Variants in MICAL2 observed in about 807,000 individuals in gnomAD.
MICAL2 encodes microtubule associated monooxygenase, calponin and LIM domain containing 2, also known as [F-actin]-monooxygenase MICAL2.
A neutral mutation model predicts 127.3 loss-of-function variants in MICAL2; 77 were observed. That is an observed-to-expected ratio of 0.60 (90% CI 0.50 to 0.73). The LOEUF is 0.73. MICAL2 is among the 30% of genes least tolerant of loss of function. The pLI, the probability that MICAL2 is intolerant of heterozygous loss-of-function variation, is 0.00. For synonymous variants in MICAL2, 570 were observed against 551.1 expected (o/e 1.03, Z -0.48); for missense variants, 1,351 against 1,434.4 (o/e 0.94, Z 0.94).
intron 32 of MICAL2, among the ~76,000 whole-genome samples, chr11:12,337,612 C>T (rs1441654750): frequency 6.6e-6 from 1 of 152,052 alleles, no homozygotes; most frequent in East Asian, 1.9e-4. Flanking sequence ...TTTCCCTCTA[C>T]ACACTGCTTT....
chr11:12,358,210 C>G, intron 34 of MICAL2: 1 of 1,334,240 alleles, frequency 7.5e-7, no homozygotes, highest in Non-Finnish European at 1.0e-6. Context: ...CAGAACAAGT[C>G]CATAACAATC....
At chr11:12,340,932 A>G (rs537399933) in intron 32 of MICAL2, among the ~76,000 whole-genome samples, 1 of 152,330 alleles carries the variant, frequency 6.6e-6, no homozygotes, top group South Asian at 2.1e-4. Context: ...TGACTCCCAG[A>G]ACAGAATTGT....
rs56280931 is a variant in MICAL2 at position 12,116,351 on chromosome 11, ATTTTT to A, written c.-149+5647_-149+5651del. Reference sequence around the variant, plus strand: ...TTCTAATGTTAGGCTCTTGATTTTGATTTTTTTTTTTTTTTTTTTTTTTTTTAACT... The same window carrying A: ...TTCTAATGTTAGGCTCTTGATTTTGATTTTTTTTTTTTTTTTTTTTTAACT... On this transcript the variant is annotated intron_variant, in intron 1 of 27. Coordinates refer to ENST00000683283, the MANE Select transcript of MICAL2 (RefSeq NM_001282663.2). Among the ~76,000 whole-genome samples the A allele has an allele frequency of 5.2e-4, 56 of 107,740 alleles. No homozygotes were observed. The East Asian group carries it at 0.011, about 22-fold the overall frequency. 70.7% of individuals were successfully genotyped at this position (107,740 alleles called of 152,430 possible).
chr11:12,305,617 G>A (rs1864100346), intron 29 of MICAL2, among the ~76,000 whole-genome samples: 1 of 152,142 alleles, frequency 6.6e-6, no homozygotes, highest in African/African-American at 2.4e-5. Flanking sequence ...AAAGTTGTGT[G>A]CCTGTGACCT....
At chr11:12,330,898 A>AGTGTGTGTGTGTGT (rs757142831) in intron 32 of MICAL2, among the ~76,000 whole-genome samples, 6 of 121,138 alleles carry the variant, frequency 5.0e-5, no homozygotes, top group Admixed American at 8.7e-5. Flanking sequence ...AGAGAGAGAG[A>AGTGTGTGTGTGTGT]GAGTGTGTGT....
intron 13 of MICAL2, 81 bp downstream of exon 13, chr11:12,224,901 G>A: frequency 6.8e-7 from 1 of 1,479,432 alleles, no homozygotes; most frequent in Non-Finnish European, 9.2e-7. Context: ...TCATTACTTG[G>A]TTCAATATTT....
At chr11:12,345,774 T>A (rs1015293646) in intron 32 of MICAL2, among the ~76,000 whole-genome samples, 1 of 152,168 alleles carries the variant, frequency 6.6e-6, no homozygotes, top group Non-Finnish European at 1.5e-5. Flanking sequence ...ACTTCTGCAA[T>A]CTCTGGGCAT....
chr11:12,338,464 A>G (rs1373037132), intron 32 of MICAL2, among the ~76,000 whole-genome samples: 1 of 152,122 alleles, frequency 6.6e-6, no homozygotes, highest in African/African-American at 2.4e-5. Flanking sequence ...GTTTAAGGGT[A>G]ATATTGTTAT....
At chr11:12,315,650 T>C (rs979205440) in intron 29 of MICAL2, among the ~76,000 whole-genome samples, 2 of 152,212 alleles carry the variant, frequency 1.3e-5, no homozygotes, top group African/African-American at 4.8e-5. Context: ...TCAAGATTGT[T>C]TTAAAGCCAA....
chr11:12,286,377 C>T (rs895724905), intron 2 of MICAL2, among the ~76,000 whole-genome samples: 2 of 152,152 alleles, frequency 1.3e-5, no homozygotes, highest in African/African-American at 4.8e-5. Context: ...ATTGATGGCC[C>T]GTGATGACCT....
downstream of MICAL2, chr11:12,292,447 C>G: frequency 1.2e-6 from 1 of 821,104 alleles, no homozygotes; most frequent in Non-Finnish European, 1.9e-6. Flanking sequence ...AAGGGTCTAC[C>G]CCAGCTGCCT....
intron 3 of MICAL2, among the ~76,000 whole-genome samples, chr11:12,203,288 T>G (rs919068862): frequency 6.6e-6 from 1 of 152,190 alleles, no homozygotes; most frequent in Non-Finnish European, 1.5e-5. Context: ...AGGAGTGGAA[T>G]TGCTAGCTCC....
chr11:12,211,430 G>A (rs1855451294), intron 6 of MICAL2, among the ~76,000 whole-genome samples: 1 of 152,150 alleles, frequency 6.6e-6, no homozygotes, highest in African/African-American at 2.4e-5. Context: ...TCACTAAAAG[G>A]GATTTTTGAC....
chr11:12,145,266 C>G (rs1056590558), intron 2 of MICAL2, among the ~76,000 whole-genome samples: 6 of 152,196 alleles, frequency 3.9e-5, no homozygotes, highest in African/African-American at 1.4e-4. Context: ...TGCATGCTAT[C>G]AGGACCCAGC....
chr11:12,242,663 C>T lies in MICAL2; in HGVS notation c.2557-8C>T. The T allele has an allele frequency of 2.5e-6, 4 of 1,607,094 alleles. No individual in the cohort carries two copies. The highest frequency in any genetic ancestry group is 3.4e-6 in the Non-Finnish European group (4 of 1,174,752). ...TCTTTTCTTTCTCCTTTCTCACCTTCACTGCAGAAGAGGGCTCAGAACTTG... is the reference window on the plus strand; with the variant it reads ...TCTTTTCTTTCTCCTTTCTCACCTTTACTGCAGAAGAGGGCTCAGAACTTG... On this transcript the variant is annotated splice_polypyrimidine_tract_variant and splice_region_variant and intron_variant, in intron 19 of 27. Coordinates refer to ENST00000683283, the MANE Select transcript of MICAL2 (RefSeq NM_001282663.2).
chr11:12,312,425 G>C (rs1864184698), intron 29 of MICAL2, among the ~76,000 whole-genome samples: 1 of 150,404 alleles, frequency 6.6e-6, no homozygotes, highest in African/African-American at 2.5e-5. Flanking sequence ...CAGTCATTCT[G>C]TTATGACACA....
chr11:12,161,262 G>A (rs988561048), intron 2 of MICAL2, among the ~76,000 whole-genome samples: 4 of 152,240 alleles, frequency 2.6e-5, no homozygotes, highest in Non-Finnish European at 5.9e-5. Flanking sequence ...AAAGGACCAT[G>A]GCCAAAGCCC....
chr11:12,314,672 G>C (rs149637632), intron 29 of MICAL2, among the ~76,000 whole-genome samples: 1 of 48,368 alleles, frequency 2.1e-5, no homozygotes, highest in African/African-American at 7.5e-5. Context: ...ATTTTTAGTA[G>C]AGACGGGGTT....
chr11:12,146,221 T>C (rs1723951098), intron 2 of MICAL2, among the ~76,000 whole-genome samples: 2 of 152,028 alleles, frequency 1.3e-5, no homozygotes, highest in African/African-American at 4.8e-5. Context: ...AAACGGGATC[T>C]AATTAAACTA....
Sources: allele counts gnomAD v4.1 joint callset (sites outside exome capture counted in the v4.1 genomes callset), GRCh38; gene constraint gnomAD v4.1.1; transcripts MANE v1.5; gene names NCBI Gene and HGNC (gene_info 2026-07-23, HGNC 2026-07-21).